Variants in MCF2L2 observed in about 807,000 individuals in gnomAD.
MCF2L2 encodes the protein MCF.2 cell line derived transforming sequence-like 2, also known as probable guanine nucleotide exchange factor MCF2L2.
Under a neutral mutation model 150.2 loss-of-function variants are expected in MCF2L2, and 102 were observed. The ratio of observed to expected loss-of-function variants is 0.68; its 90% CI spans 0.58 to 0.80. The LOEUF is 0.80. Among genes scored for constraint, MCF2L2 ranks in the 30% least tolerant of loss-of-function variants. The probability of loss-of-function intolerance (pLI) is 0.00; values close to 1 mark genes in which losing one functional copy is unlikely to be tolerated. For synonymous variants in MCF2L2, 465 were observed against 491.3 expected, an observed-to-expected ratio of 0.95 and a Z score of 0.71; for missense variants, 1,256 against 1,372.8, an observed-to-expected ratio of 0.91 and a Z score of 1.34.
intron 25 of MCF2L2, among the ~76,000 whole-genome samples, chr3:183,199,183 CTGA>C (rs1291063850): frequency 6.6e-6 from 1 of 152,178 alleles, no homozygotes; most frequent in African/African-American, 2.4e-5. Context: ...TCCTGAGCAG[CTGA>C]TGATCATAGA....
intron 5 of MCF2L2, among the ~76,000 whole-genome samples, chr3:183,336,864 A>AAAAT (rs1553783417): frequency 2.2e-4 from 30 of 139,450 alleles, no homozygotes; most frequent in Middle Eastern, 3.7e-3. Flanking sequence ...TCAAAAAAAA[A>AAAAT]ATATATATAT....
chr3:183,406,589 A>G (rs925433426), intron 1 of MCF2L2, among the ~76,000 whole-genome samples: 1 of 152,106 alleles, frequency 6.6e-6, no homozygotes, highest in African/African-American at 2.4e-5. Context: ...CCCGGGTCCA[A>G]GCGATTCTCC....
intron 1 of MCF2L2, among the ~76,000 whole-genome samples, chr3:183,415,563 G>A (rs767679777): frequency 3.2e-4 from 48 of 152,052 alleles, no homozygotes; most frequent in Admixed American, 2.6e-3. Context: ...ATTTTTAGGC[G>A]TTTGTAATTA....
intron 15 of MCF2L2, among the ~76,000 whole-genome samples, chr3:183,255,478 C>G (rs1183033426): frequency 6.6e-6 from 1 of 152,202 alleles, no homozygotes; most frequent in Non-Finnish European, 1.5e-5. Context: ...TCCTCCCGCA[C>G]ACGCTCTGAG....
chr3:183,223,353 A>G lies in MCF2L2; in HGVS notation c.2294T>C (p.Leu765Pro), dbSNP rs753537032. Residue 765 changes from leucine to proline, a missense_variant, in exon 20 of 30, where the codon CTG becomes CCG. Leu to Pro is a moderately conservative substitution (Grantham distance 98, BLOSUM62 -3). Transcript: ENST00000328913. ...PSQRLIKYQM[L>P]LKGLLDFESP... ...CTGTCTCATTGATTTTACCTTCAACAGCATCTGGTATTTTATAAGTCTCTG... is the reference window on the plus strand; with the variant it reads ...CTGTCTCATTGATTTTACCTTCAACGGCATCTGGTATTTTATAAGTCTCTG... The G allele has an allele frequency of 6.2e-7, 1 of 1,612,988 alleles. No homozygotes were observed. The highest frequency in any genetic ancestry group is 8.5e-7 in the Non-Finnish European group (1 of 1,178,898).
chr3:183,331,545 C>A (rs1390751783), intron 5 of MCF2L2, among the ~76,000 whole-genome samples: 1 of 152,172 alleles, frequency 6.6e-6, no homozygotes, highest in Non-Finnish European at 1.5e-5. Flanking sequence ...AATACATGGT[C>A]TTTTAACTGC....
chr3:183,228,073 T>A (rs981568578), intron 18 of MCF2L2: 15 of 397,978 alleles, frequency 3.8e-5, no homozygotes, highest in Middle Eastern at 8.9e-4. Flanking sequence ...TTCATTAACT[T>A]GATTGCAGTA....
intron 15 of MCF2L2, chr3:183,271,502 C>G (rs965196331): frequency 6.0e-6 from 1 of 167,092 alleles, no homozygotes; most frequent in Non-Finnish European, 1.5e-5. Context: ...TCACGTCTTA[C>G]CACATCCATG....
chr3:183,383,228 T>TTTA (rs61134605), intron 2 of MCF2L2, among the ~76,000 whole-genome samples: 16,439 of 151,398 alleles, frequency 0.11, 1,338 homozygotes, highest in African/African-American at 0.22. Context: ...TTATTTATTT[T>TTTA]ATTTATTTAT....
Position 183,179,251 on chromosome 3 carries a change from G to T in MCF2L2, c.*129C>A. Reference sequence around the variant, plus strand: ...GGGCTCCTCGGAGGAGGCCCTGGTTGTCCCCTTTCTGCCGCCGCCGAGGCT... The same window carrying T: ...GGGCTCCTCGGAGGAGGCCCTGGTTTTCCCCTTTCTGCCGCCGCCGAGGCT... On this transcript the variant is annotated 3_prime_UTR_variant, in exon 30 of 30. Coordinates refer to ENST00000328913, the MANE Select transcript of MCF2L2 (RefSeq NM_015078.4). This position sits in a 1 kb window ranked among gnomAD's most constrained non-coding sequence, Gnocchi z 4.2. 7.9e-7 allele frequency: 1 copy of T among 1,272,002 alleles called. No homozygotes were observed. Among genetic ancestry groups the T allele is most frequent in the Non-Finnish European group, 1.0e-6 (1 of 987,330 alleles). The allele number at this position is 1,272,002 out of a possible 1,614,324, so 78.8% of individuals were successfully genotyped here. A position where few individuals can be genotyped will look rare whatever the true frequency, so the allele number is the denominator to read the frequency against.
chr3:183,258,002 C>G (rs987222397), intron 15 of MCF2L2, among the ~76,000 whole-genome samples: 2 of 112,902 alleles, frequency 1.8e-5, no homozygotes, highest in African/African-American at 7.0e-5. Context: ...GAGTCTCGCT[C>G]TGTTGCCCAG....
chr3:183,323,422 C>A (rs1729897324), intron 5 of MCF2L2, 71 bp from the exon 6 acceptor site: 1 of 671,854 alleles, frequency 1.5e-6, no homozygotes, highest in African/African-American at 1.9e-5. Flanking sequence ...ACATTCTATT[C>A]TTATCATAAT....
At chr3:183,263,917 T>C (rs1180873939) in intron 15 of MCF2L2, among the ~76,000 whole-genome samples, 1 of 152,076 alleles carries the variant, frequency 6.6e-6, no homozygotes, top group Non-Finnish European at 1.5e-5. Context: ...ATGCCTTCCT[T>C]CCGTCCCCAT....
At chr3:183,324,942 T>TA (rs1729962227) in intron 5 of MCF2L2, among the ~76,000 whole-genome samples, 1 of 151,318 alleles carries the variant, frequency 6.6e-6, no homozygotes. Flanking sequence ...TATGCAGCCA[T>TA]AAAAAATGTA....
At chr3:183,414,122 A>AT (rs1204835104) in intron 1 of MCF2L2, among the ~76,000 whole-genome samples, 6 of 152,234 alleles carry the variant, frequency 3.9e-5, no homozygotes, top group African/African-American at 1.4e-4. Context: ...CACTTCTTCT[A>AT]TTTTTTGGAA....
intron 1 of MCF2L2, 116 bp from the exon 2 acceptor site, chr3:183,389,895 G>T (rs1560053392): frequency 1.3e-6 from 1 of 757,576 alleles, no homozygotes; most frequent in Admixed American, 2.1e-5. Flanking sequence ...TCAAGAGACG[G>T]TGCTGGCACA....
Position 183,223,336 on chromosome 3 carries a change from T to C in MCF2L2, c.2301+10A>G, listed in dbSNP as rs760489409. ...CCCACCAAGGAAAAGCACTGTCTCA[T>C]TGATTTTACCTTCAACAGCATCTGG... is the stretch of plus-strand genomic sequence containing the variant. On this transcript the variant is annotated intron_variant, in intron 20 of 29. Transcript: ENST00000328913. The C allele has an allele frequency of 3.1e-6, 5 of 1,604,562 alleles. No individual in the cohort carries two copies. Among genetic ancestry groups the C allele is most frequent in the East Asian group, 4.5e-5 (2 of 44,844 alleles).
intron 14 of MCF2L2, among the ~76,000 whole-genome samples, chr3:183,280,027 CAA>C (rs879598642): frequency 0.028 from 3,841 of 138,566 alleles, 170 homozygotes; most frequent in African/African-American, 0.092. Flanking sequence ...ATTCCGTCTC[CAA>C]AAAAAAAAAA....
chr3:183,239,046 C>T (rs1723884181), intron 15 of MCF2L2, among the ~76,000 whole-genome samples: 1 of 145,596 alleles, frequency 6.9e-6, no homozygotes, highest in African/African-American at 2.5e-5. Context: ...CATCTAAAAT[C>T]ATCAAGTGTA....
Sources: allele counts gnomAD v4.1 joint callset (sites outside exome capture counted in the v4.1 genomes callset), GRCh38; gene constraint gnomAD v4.1.1; non-coding constraint Gnocchi (gnomAD v3.1); transcripts MANE v1.5; gene names NCBI Gene and HGNC (gene_info 2026-07-23, HGNC 2026-07-21).